The following LRP1B variants were observed in gnomAD, a reference collection of about 807,000 sequenced individuals.
LRP1B encodes low-density lipoprotein receptor-related protein 1B.
Under a neutral mutation model 556.6 loss-of-function variants are expected in LRP1B, and 217 were observed. The ratio of observed to expected loss-of-function variants is 0.39; its 90% CI spans 0.35 to 0.44. The LOEUF is 0.44. Among genes scored for constraint, LRP1B ranks in the 20% least tolerant of loss-of-function variants. The pLI is 1.00. For synonymous variants in LRP1B, 2,047 were observed against 1,865.8 expected, an observed-to-expected ratio of 1.10 and a Z score of -2.50; for missense variants, 5,053 against 5,620.8, an observed-to-expected ratio of 0.90 and a Z score of 3.23.
chr2:142,103,297 A>T (rs1241187368), intron 1 of LRP1B, among the ~76,000 whole-genome samples: 1 of 151,856 alleles, frequency 6.6e-6, no homozygotes, highest in African/African-American at 2.4e-5. Flanking sequence ...TTCTTTTCTT[A>T]TTATGCATTA....
intron 2 of LRP1B, among the ~76,000 whole-genome samples, chr2:141,659,757 T>G (rs191362526): frequency 1.3e-5 from 2 of 152,222 alleles, no homozygotes; most frequent in African/African-American, 2.4e-5. Flanking sequence ...AGGGATCAAT[T>G]TACCTTTCTG....
At chr2:140,826,031 A>G (rs1691491037) in intron 31 of LRP1B, among the ~76,000 whole-genome samples, 1 of 152,192 alleles carries the variant, frequency 6.6e-6, no homozygotes, top group Non-Finnish European at 1.5e-5. Flanking sequence ...ATCAGTTGAA[A>G]GGCCTTATGA....
chr2:141,015,886 T>A lies in LRP1B; in HGVS notation c.2000A>T (p.Asp667Val). The change falls in exon 13 of 91, where the codon GAT becomes GTT. Residue 667 changes from aspartate (D) to valine (V), a missense_variant. Physicochemically the swap from Asp to Val is radical, Grantham distance 152. This residue lies in a region of LRP1B where 3,619 missense variants were observed against 3,931.9 expected (regional missense o/e 0.92). Transcript: ENST00000389484. ...CCTTCCCACGCTGTCATCTATTTCA[T>A]CTTCCTCCCAGTCTGTCCAATACAT... Reference protein sequence around the residue: ...GWMYWTDWEEDEIDDSVGRIE... With the variant: ...GWMYWTDWEEVEIDDSVGRIE... 6.2e-7 allele frequency: 1 copy of A among 1,613,498 alleles called. No individual in the cohort carries two copies. The highest frequency in any genetic ancestry group is 8.5e-7 in the Non-Finnish European group (1 of 1,179,680).
At chr2:140,724,853 T>C (rs2105482658) in intron 35 of LRP1B, among the ~76,000 whole-genome samples, 1 of 152,288 alleles carries the variant, frequency 6.6e-6, no homozygotes, top group South Asian at 2.1e-4. Context: ...CTACCAACTT[T>C]TACTTAGATT....
At chr2:141,574,320 G>A (rs1029647261) in intron 2 of LRP1B, among the ~76,000 whole-genome samples, 25 of 152,076 alleles carry the variant, frequency 1.6e-4, no homozygotes, top group African/African-American at 5.8e-4. Flanking sequence ...AATCCATCAT[G>A]CAAACAGAAG....
chr2:141,055,798 C>G (rs72981084), intron 9 of LRP1B, among the ~76,000 whole-genome samples: 3,025 of 100,086 alleles, frequency 0.03, 103 homozygotes, highest in African/African-American at 0.093. Flanking sequence ...ACTCTTACCA[C>G]AAAATGTGTG....
chr2:141,293,421 G>C (rs945166729), intron 3 of LRP1B, among the ~76,000 whole-genome samples: 2 of 152,138 alleles, frequency 1.3e-5, no homozygotes, highest in African/African-American at 4.8e-5. Context: ...GAACATCCAT[G>C]AAACTGAAGT....
intron 2 of LRP1B, among the ~76,000 whole-genome samples, chr2:141,640,934 G>T (rs1019552235): frequency 4.6e-5 from 7 of 152,166 alleles, no homozygotes; most frequent in African/African-American, 1.7e-4. Context: ...GTGGTGGTGA[G>T]CAGCTGATTT....
At chr2:140,935,211 G>C (rs1424516507) in intron 20 of LRP1B, among the ~76,000 whole-genome samples, 1 of 152,064 alleles carries the variant, frequency 6.6e-6, no homozygotes. Context: ...ATGGTAGATG[G>C]ACTAGACAAA....
chr2:140,399,038 T>C (rs1387280849), intron 66 of LRP1B, among the ~76,000 whole-genome samples: 3 of 152,116 alleles, frequency 2.0e-5, no homozygotes, highest in Admixed American at 2.0e-4. Flanking sequence ...ATAAAAAATG[T>C]GCTAATGAGT....
At chr2:141,863,822 T>C (rs1698325512) in intron 1 of LRP1B, among the ~76,000 whole-genome samples, 1 of 152,184 alleles carries the variant, frequency 6.6e-6, no homozygotes, top group South Asian at 2.1e-4. Flanking sequence ...ACTTCTAGTA[T>C]ATTAAAAGTT....
intron 45 of LRP1B, among the ~76,000 whole-genome samples, chr2:140,539,078 G>T (rs1409089748): frequency 1.3e-5 from 2 of 152,054 alleles, no homozygotes; most frequent in Admixed American, 6.6e-5. Context: ...TATATTTACT[G>T]TATCTATTTC....
chr2:140,908,638 G>T (rs748371939), intron 21 of LRP1B, among the ~76,000 whole-genome samples: 1 of 151,494 alleles, frequency 6.6e-6, no homozygotes, highest in African/African-American at 2.4e-5. Flanking sequence ...CCTTTCATAA[G>T]AGAATATCAA....
At chr2:140,511,228 C>A (rs1479742865) in intron 51 of LRP1B, among the ~76,000 whole-genome samples, 3 of 124,176 alleles carry the variant, frequency 2.4e-5, no homozygotes, top group Non-Finnish European at 3.3e-5. Flanking sequence ...GCAGAAAATT[C>A]TTTTTGAAGT....
intron 43 of LRP1B, among the ~76,000 whole-genome samples, chr2:140,550,876 A>G (rs1435401575): frequency 6.6e-6 from 1 of 152,100 alleles, no homozygotes; most frequent in Non-Finnish European, 1.5e-5. Flanking sequence ...CAGTATGATG[A>G]TAATTGGAGG....
chr2:140,628,537 G>GGAA (rs1553502015), intron 41 of LRP1B, among the ~76,000 whole-genome samples: 1 of 138,400 alleles, frequency 7.2e-6, no homozygotes, highest in Admixed American at 7.3e-5. Context: ...ACTCTGTCTC[G>GGAA]AAAAAAAAAA....
At chr2:140,917,718 G>C (rs931390143) in intron 21 of LRP1B, among the ~76,000 whole-genome samples, 3 of 152,092 alleles carry the variant, frequency 2.0e-5, no homozygotes, top group Non-Finnish European at 4.4e-5. Context: ...GGGTACGAAA[G>C]ATTTTTAGAG....
At chr2:141,713,906 T>C (rs1323017856) in intron 2 of LRP1B, among the ~76,000 whole-genome samples, 1 of 152,186 alleles carries the variant, frequency 6.6e-6, no homozygotes, top group Non-Finnish European at 1.5e-5. Flanking sequence ...CTTAGCATCA[T>C]AAGCTATAGA....
rs1700438099 is a variant in LRP1B, at chr2:141,929,877, C to T, written c.83-119476G>A. ...AAATACAGTCTCTGCTTTCCAGATG[C>T]CTACAGTCAAGCCAGGAGAAACCGC... On this transcript the variant is annotated intron_variant, in intron 1 of 90. Transcript: ENST00000389484. Among the ~76,000 whole-genome samples the T allele has an allele frequency of 2.2e-5, 3 of 133,482 alleles. No individual in the cohort carries two copies. The South Asian group carries it at 7.0e-4, about 31-fold the overall frequency. The allele number at this position is 133,482 out of a possible 152,430, so 87.6% of individuals were successfully genotyped here.
Sources: gnomAD v4.1 joint callset for allele counts (sites outside exome capture counted in the v4.1 genomes callset) on GRCh38, gnomAD v4.1.1 for gene constraint, gnomAD v4.1.1 regional missense constraint, MANE v1.5 for transcripts, NCBI Gene and HGNC (gene_info 2026-07-23, HGNC 2026-07-21) for gene names.